The following PTPRD variants were observed in gnomAD, a reference collection of about 807,000 sequenced individuals.
The protein encoded by PTPRD is receptor-type tyrosine-protein phosphatase delta.
Under a neutral mutation model 214.5 loss-of-function variants are expected in PTPRD, and 34 were observed. That is an observed-to-expected ratio of 0.16 (90% CI 0.12 to 0.21). The LOEUF (loss-of-function observed/expected upper bound fraction) is 0.21. PTPRD is among the 10% of genes least tolerant of loss of function. The pLI is 1.00. For missense variants in PTPRD, 2,545 were observed against 2,398.7 expected (o/e 1.06, Z -1.27); for synonymous variants, 1,128 against 845.7 (o/e 1.33, Z -5.79).
rs975698777 is a variant in PTPRD at position 8,733,867 on chromosome 9, G to C, written c.-24C>G. On this transcript the variant is annotated 5_prime_UTR_variant, in exon 12 of 46. Transcript: ENST00000381196. Reference sequence around the variant, plus strand: ...ATCCTGCAGCTTGGCAGCAGCGTGCGCGAGCAGCTTGGAATCACTGCCTCC... The same window carrying C: ...ATCCTGCAGCTTGGCAGCAGCGTGCCCGAGCAGCTTGGAATCACTGCCTCC... The C allele has an allele frequency of 9.0e-6, 14 of 1,549,206 alleles. No individual in the cohort carries two copies. The highest frequency in any genetic ancestry group is 1.2e-5 in the Non-Finnish European group (14 of 1,146,776).
intron 2 of PTPRD, among the ~76,000 whole-genome samples, chr9:10,462,040 G>A (rs1426973895): frequency 2.0e-5 from 3 of 152,044 alleles, no homozygotes; most frequent in Admixed American, 6.6e-5. Context: ...TAGGTCAATC[G>A]ATACAAAGTA....
chr9:10,049,733 AAATAAAACCTT>A (rs1478353237), intron 3 of PTPRD, among the ~76,000 whole-genome samples: 2 of 152,220 alleles, frequency 1.3e-5, no homozygotes, highest in East Asian at 3.9e-4. Flanking sequence ...AAATATTTTT[AAATAAAACCTT>A]TATAGCAGTG....
chr9:8,575,163 A>G (rs1042794023), intron 14 of PTPRD, among the ~76,000 whole-genome samples: 4 of 152,120 alleles, frequency 2.6e-5, no homozygotes, highest in Non-Finnish European at 4.4e-5. Context: ...GAAGTTTTTA[A>G]AGTTGGTGAT....
intron 9 of PTPRD, among the ~76,000 whole-genome samples, chr9:9,294,144 G>T (rs1362920290): frequency 6.6e-6 from 1 of 151,574 alleles, no homozygotes; most frequent in Non-Finnish European, 1.5e-5. Flanking sequence ...TCCTGGGAGG[G>T]ATGACATGAA....
At position 8,515,865 on chromosome 9, in the gene PTPRD, C is replaced by T. The variant is rs189505231; in HGVS notation, c.1543+1983G>A. Among the ~76,000 whole-genome samples, 314 of 152,228 alleles carry T rather than the reference C, an allele frequency of 2.1e-3. 1 individual carries two copies. Among genetic ancestry groups the T allele is most frequent in the Non-Finnish European group, 3.3e-3 (226 of 68,020 alleles). On this transcript the variant is annotated intron_variant, in intron 21 of 45. Transcript: ENST00000381196. ...TATGTGGTTCTTTTTTACAGGAGCA[C>T]TAGAAAACAAATAGAACCACTACAC...
At chr9:9,658,145 T>C (rs1379326626) in intron 7 of PTPRD, among the ~76,000 whole-genome samples, 2 of 152,142 alleles carry the variant, frequency 1.3e-5, no homozygotes, top group African/African-American at 2.4e-5. Flanking sequence ...ATTATCTAAA[T>C]GGAGAATTGA....
intron 7 of PTPRD, among the ~76,000 whole-genome samples, chr9:9,638,190 C>A (rs75939233): frequency 6.6e-6 from 1 of 152,144 alleles, no homozygotes; most frequent in Non-Finnish European, 1.5e-5. Context: ...TGAAAATTTC[C>A]CAAATCTTCA....
At chr9:9,644,462 TAA>T (rs1197425160) in intron 7 of PTPRD, among the ~76,000 whole-genome samples, 1 of 152,228 alleles carries the variant, frequency 6.6e-6, no homozygotes, top group African/African-American at 2.4e-5. Context: ...TTGGTCTGAA[TAA>T]AGATTTCCAT....
At chr9:9,782,244 C>A (rs113865122) in intron 5 of PTPRD, among the ~76,000 whole-genome samples, 1 of 152,138 alleles carries the variant, frequency 6.6e-6, no homozygotes, top group Non-Finnish European at 1.5e-5. Context: ...TCAGTAAACA[C>A]TCCCTGGATG....
intron 12 of PTPRD, among the ~76,000 whole-genome samples, chr9:8,675,063 T>C (rs929688086): frequency 2.0e-5 from 3 of 152,186 alleles, no homozygotes; most frequent in Non-Finnish European, 4.4e-5. Flanking sequence ...AACATCCACC[T>C]TCTTTATTTT....
intron 9 of PTPRD, among the ~76,000 whole-genome samples, chr9:9,363,175 T>C (rs1379858580): frequency 6.6e-6 from 1 of 150,914 alleles, no homozygotes; most frequent in Non-Finnish European, 1.5e-5. Context: ...ACATATCTTT[T>C]TTTGGTTGTT....
At chr9:10,112,070 A>G (rs944103471) in intron 3 of PTPRD, among the ~76,000 whole-genome samples, 2 of 152,220 alleles carry the variant, frequency 1.3e-5, no homozygotes, top group African/African-American at 2.4e-5. Context: ...GGGTAGGCCA[A>G]TGAATATCCA....
At chr9:9,817,572 T>C (rs942194701) in intron 5 of PTPRD, among the ~76,000 whole-genome samples, 4 of 152,302 alleles carry the variant, frequency 2.6e-5, no homozygotes, top group East Asian at 3.9e-4. Flanking sequence ...TTTACACAGA[T>C]AGGTCCATAA....
chr9:9,026,506 G>A (rs1176761172), intron 10 of PTPRD, among the ~76,000 whole-genome samples: 1 of 151,962 alleles, frequency 6.6e-6, no homozygotes, highest in East Asian at 1.9e-4. Context: ...GTCTAAATGT[G>A]ACACAGCAAG....
At chr9:10,338,902 T>G (rs1002432407) in intron 3 of PTPRD, among the ~76,000 whole-genome samples, 1 of 151,412 alleles carries the variant, frequency 6.6e-6, no homozygotes, top group Non-Finnish European at 1.5e-5. Context: ...ATAGAGTACA[T>G]TGCTAAAGAG....
chr9:8,408,939 T>C lies in PTPRD; in HGVS notation c.4087-4279A>G, dbSNP rs998673978. On this transcript the variant is annotated intron_variant, in intron 35 of 45. Coordinates refer to ENST00000381196, the MANE Select transcript of PTPRD (RefSeq NM_002839.4). ...AGATACTTGCTAATATAAAACACTT[T>C]GCATTTATTTAGTCTTTAACTTGAT... Among the ~76,000 whole-genome samples the C allele has an allele frequency of 5.9e-5, 9 of 152,350 alleles. No homozygotes were observed. The South Asian group carries it at 1.2e-3, about 21-fold the overall frequency.
At chr9:9,983,143 G>A (rs1269306684) in intron 4 of PTPRD, among the ~76,000 whole-genome samples, 2 of 151,950 alleles carry the variant, frequency 1.3e-5, no homozygotes, top group African/African-American at 2.4e-5. Flanking sequence ...CAAATGTACC[G>A]ATGCTAGACT....
At chr9:10,380,613 C>A (rs1009603873) in intron 2 of PTPRD, among the ~76,000 whole-genome samples, 2 of 151,940 alleles carry the variant, frequency 1.3e-5, no homozygotes, top group African/African-American at 2.4e-5. Flanking sequence ...TACTGTTTAC[C>A]AATTTACCTT....
chr9:9,736,608 T>C (rs1372934015), intron 6 of PTPRD, among the ~76,000 whole-genome samples: 1 of 152,038 alleles, frequency 6.6e-6, no homozygotes, highest in Non-Finnish European at 1.5e-5. Context: ...CCAGAAAATA[T>C]TTCTTTTCTG....
Sources: allele counts gnomAD v4.1 joint callset (sites outside exome capture counted in the v4.1 genomes callset), GRCh38; gene constraint gnomAD v4.1.1; transcripts MANE v1.5; gene names NCBI Gene and HGNC (gene_info 2026-07-23, HGNC 2026-07-21).